The following PARP8 variants were observed in gnomAD, a reference collection of about 807,000 sequenced individuals.
PARP8 encodes the protein protein mono-ADP-ribosyltransferase PARP8.
Under a neutral mutation model 124.1 loss-of-function variants are expected in PARP8, and 51 were observed. That is an observed-to-expected ratio of 0.41 (90% confidence interval 0.33 to 0.52). The LOEUF is 0.52. Among genes scored for constraint, PARP8 ranks in the 20% least tolerant of loss-of-function variants. The pLI, the probability that PARP8 is intolerant of heterozygous loss-of-function variation, is 0.21. For missense variants in PARP8, 860 were observed against 1,018.9 expected, an observed-to-expected ratio of 0.84 and a Z score of 2.12; for synonymous variants, 391 against 361.5, an observed-to-expected ratio of 1.08 and a Z score of -0.93.
intron 7 of PARP8, among the ~76,000 whole-genome samples, chr5:50,771,103 CTA>C (rs1180063182): frequency 0.012 from 1,742 of 146,732 alleles, 29 homozygotes; most frequent in African/African-American, 0.036. Context: ...CTCTCTCTCT[CTA>C]TATATATATA....
intron 2 of PARP8, among the ~76,000 whole-genome samples, chr5:50,677,343 C>T (rs1166818845): frequency 3.3e-5 from 5 of 151,672 alleles, no homozygotes; most frequent in Non-Finnish European, 5.9e-5. Flanking sequence ...GTTAGTCCCT[C>T]CAGCTGAAAA....
At chr5:50,830,819 CGTGTGTGTGTGT>C (rs10611893) in intron 22 of PARP8, among the ~76,000 whole-genome samples, 8 of 147,944 alleles carry the variant, frequency 5.4e-5, no homozygotes, top group African/African-American at 1.5e-4. Flanking sequence ...TGTGCTCATG[CGTGTGTGTGTGT>C]GTGTGTGTGT....
At chr5:50,695,769 AT>A (rs1752960582) in intron 2 of PARP8, among the ~76,000 whole-genome samples, 1 of 152,156 alleles carries the variant, frequency 6.6e-6, no homozygotes, top group Non-Finnish European at 1.5e-5. Context: ...TTTGATTTAC[AT>A]TTGGATATGC....
chr5:50,838,131 T>C lies in PARP8; in HGVS notation c.2462+3116T>C, dbSNP rs181634158. 3.3e-4 allele frequency among the ~76,000 whole-genome samples: 50 copies of C among 152,218 alleles called. 1 individual carries two copies. The East Asian group carries it at 7.1e-3, about 22-fold the overall frequency. Reference sequence around the variant, plus strand: ...CTCAAAAAGGGCTAATACCTCAAAATCAATATACAAATAGGAACCCATTAT... The same window carrying C: ...CTCAAAAAGGGCTAATACCTCAAAACCAATATACAAATAGGAACCCATTAT... On this transcript the variant is annotated intron_variant, in intron 25 of 25. Coordinates refer to ENST00000281631, the MANE Select transcript of PARP8 (RefSeq NM_024615.4).
At chr5:50,829,818 C>A in intron 21 of PARP8, 74 bp from the exon 22 acceptor site, 1 of 1,385,732 alleles carries the variant, frequency 7.2e-7, no homozygotes. Flanking sequence ...TGACATGAAA[C>A]TGATTGCTTT....
chr5:50,815,909 T>G (rs1273085841), intron 15 of PARP8, among the ~76,000 whole-genome samples: 1 of 152,028 alleles, frequency 6.6e-6, no homozygotes, highest in Non-Finnish European at 1.5e-5. Context: ...ATAGGCAGAG[T>G]ATGTAATAAA....
At position 50,835,032 on chromosome 5, in the gene PARP8, A is replaced by T; in HGVS notation, c.2462+17A>T. 1 of 1,602,888 alleles carries T rather than the reference A, an allele frequency of 6.2e-7. No homozygotes were observed. Among genetic ancestry groups the T allele is most frequent in the Non-Finnish European group, 8.5e-7 (1 of 1,171,258 alleles). On this transcript the variant is annotated intron_variant, in intron 25 of 25. Coordinates refer to ENST00000281631, the MANE Select transcript of PARP8 (RefSeq NM_024615.4). The stretch of plus-strand genomic sequence containing the variant: ...CTTTTTCGTGTAAGTGGAAATGCTC[A>T]AATTTGTATATTACTGTCTTTGCCA...
At chr5:50,790,377 G>T (rs368973300) in intron 10 of PARP8, among the ~76,000 whole-genome samples, 5 of 151,996 alleles carry the variant, frequency 3.3e-5, no homozygotes, top group Admixed American at 3.3e-4. Flanking sequence ...CATATCCTGC[G>T]TGTCTTGGAG....
intron 2 of PARP8, among the ~76,000 whole-genome samples, chr5:50,683,668 T>C (rs993436387): frequency 6.6e-6 from 1 of 152,200 alleles, no homozygotes; most frequent in Admixed American, 6.5e-5. Context: ...CTCTTTATCT[T>C]CTACTGTAAG....
In PARP8 at chr5:50,713,983, G is replaced by A. The variant is rs78621644; in HGVS notation, c.147-36168G>A. Among the ~76,000 whole-genome samples, 75 of 152,146 alleles carry A rather than the reference G, an allele frequency of 4.9e-4. No homozygotes were observed. The East Asian group carries it at 0.014, about 29-fold the overall frequency. Reference sequence around the variant, plus strand: ...CCCCTGACATCTTGATTCTGGTCTGGTTGAACCCATTTAATTGGAATTCTG... The same window carrying A: ...CCCCTGACATCTTGATTCTGGTCTGATTGAACCCATTTAATTGGAATTCTG... On this transcript the variant is annotated intron_variant, in intron 2 of 25. Transcript: ENST00000281631.
At chr5:50,742,913 A>C (rs1758195157) in intron 2 of PARP8, among the ~76,000 whole-genome samples, 1 of 152,232 alleles carries the variant, frequency 6.6e-6, no homozygotes, top group Admixed American at 6.5e-5. Flanking sequence ...GAGAGCAGTT[A>C]GGTATCTAAA....
intron 7 of PARP8, among the ~76,000 whole-genome samples, chr5:50,771,590 A>G (rs1430230219): frequency 6.6e-6 from 1 of 152,260 alleles, no homozygotes; most frequent in Non-Finnish European, 1.5e-5. Context: ...TTCTTATTAA[A>G]TTACATAAAA....
intron 24 of PARP8, 125 bp downstream of exon 24, chr5:50,834,173 A>C: frequency 2.6e-5 from 20 of 755,416 alleles, no homozygotes; most frequent in Non-Finnish European, 3.5e-5. Context: ...TGATCATCTC[A>C]AAGGGCACAA....
chr5:50,822,435 T>C, intron 17 of PARP8, 35 bp downstream of exon 17: 1 of 1,498,770 alleles, frequency 6.7e-7, no homozygotes, highest in Non-Finnish European at 9.2e-7. Context: ...CAGTATATTT[T>C]TAAAATGTCT....
At chr5:50,760,706 G>C (rs1760461185) in intron 5 of PARP8, among the ~76,000 whole-genome samples, 1 of 152,034 alleles carries the variant, frequency 6.6e-6, no homozygotes, top group Non-Finnish European at 1.5e-5. Flanking sequence ...ATTTTGATGG[G>C]ATCCTTAAAA....
intron 2 of PARP8, among the ~76,000 whole-genome samples, chr5:50,728,467 A>T (rs1756650909): frequency 6.6e-6 from 1 of 152,088 alleles, no homozygotes; most frequent in African/African-American, 2.4e-5. Context: ...TCAGAGTGCA[A>T]CTTAATTTGC....
chr5:50,713,221 C>G (rs1376178091), intron 2 of PARP8, among the ~76,000 whole-genome samples: 1 of 151,774 alleles, frequency 6.6e-6, no homozygotes. Flanking sequence ...ATTGAGTGCT[C>G]AATAAACTTT....
chr5:50,826,769 A>ATAGATCAC lies in PARP8; in HGVS notation c.1944_1951dup (p.His651LeufsTer6). On this transcript the variant is annotated frameshift_variant, in exon 19 of 26. Coordinates refer to ENST00000281631, the MANE Select transcript of PARP8 (RefSeq NM_024615.4). LOFTEE classifies it high-confidence loss of function. ...TTTAATTTCAGGGTTATATCAAGTA[A>ATAGATCAC]TAGATCACATATTGTGAAACTGCCA... 6.3e-7 allele frequency: 1 copy of ATAGATCAC among 1,589,254 alleles called. No homozygotes were observed. The highest frequency in any genetic ancestry group is 1.4e-5 in the African/African-American group (1 of 72,996).
At chr5:50,674,175 A>C (rs980486116) in intron 2 of PARP8, among the ~76,000 whole-genome samples, 4 of 152,176 alleles carry the variant, frequency 2.6e-5, no homozygotes, top group Non-Finnish European at 5.9e-5. Context: ...AATGGTGGAC[A>C]CTTCCACCTG....
Sources: gnomAD v4.1 joint callset for allele counts (sites outside exome capture counted in the v4.1 genomes callset) on GRCh38, gnomAD v4.1.1 for gene constraint, MANE v1.5 for transcripts, NCBI Gene and HGNC (gene_info 2026-07-23, HGNC 2026-07-21) for gene names.